Variants in LUZP2 observed in about 807,000 individuals in gnomAD.
LUZP2 encodes the protein leucine zipper protein 2.
LUZP2 carries 52 observed loss-of-function variants against 51.6 expected under a neutral mutation model. That is an observed-to-expected ratio of 1.01 (90% CI 0.81 to 1.27). The LOEUF (loss-of-function observed/expected upper bound fraction) is 1.27, where lower values mean the gene tolerates loss of function less well. Among genes scored for constraint, LUZP2 ranks in the 50% most tolerant of loss-of-function variants. The pLI is 0.00. For synonymous variants in LUZP2, 154 were observed against 137.3 expected (o/e 1.12, Z -0.85); for missense variants, 436 against 395.4 (o/e 1.10, Z -0.87).
chr11:24,650,462 T>G (rs1855593684), intron 1 of LUZP2, among the ~76,000 whole-genome samples: 2 of 151,938 alleles, frequency 1.3e-5, no homozygotes, highest in South Asian at 4.1e-4. Flanking sequence ...TGGGCAACTA[T>G]TTTGTTTACA....
chr11:25,017,739 C>G (rs1391908280), intron 9 of LUZP2, among the ~76,000 whole-genome samples: 1 of 152,010 alleles, frequency 6.6e-6, no homozygotes, highest in Non-Finnish European at 1.5e-5. Context: ...ATGTGTTTTG[C>G]TTAGTATTGC....
At position 25,018,603 on chromosome 11, in the gene LUZP2, CT is replaced by C. The variant is rs755246752; in HGVS notation, c.766-31412del. ...TACTATCATTATTAATTCCTTTTTC[CT>C]TTTTTTTTTTTTTTTTTTTTTTAAA... On this transcript the variant is annotated intron_variant, in intron 9 of 11. Transcript: ENST00000336930. Among the ~76,000 whole-genome samples, 329 of 108,838 alleles carry C rather than the reference CT, an allele frequency of 3.0e-3. 2 individuals are homozygous for C. The highest frequency in any genetic ancestry group is 4.0e-3 in the East Asian group (17 of 4,216). 71.4% of individuals were successfully genotyped at this position (108,838 alleles called of 152,430 possible). A position where few individuals can be genotyped will look rare whatever the true frequency, so the allele number is the denominator to read the frequency against.
At chr11:24,933,119 G>A (rs933989606) in intron 7 of LUZP2, among the ~76,000 whole-genome samples, 5 of 152,316 alleles carry the variant, frequency 3.3e-5, no homozygotes, top group African/African-American at 7.2e-5. Context: ...GTGTTCAGGG[G>A]TGCACAATCC....
At chr11:24,540,564 C>G (rs1260024767) in intron 1 of LUZP2, among the ~76,000 whole-genome samples, 3 of 152,122 alleles carry the variant, frequency 2.0e-5, no homozygotes, top group African/African-American at 7.2e-5. Context: ...CACCCAGCAT[C>G]CAGAAGTGTG....
intron 9 of LUZP2, among the ~76,000 whole-genome samples, chr11:24,999,747 ACCTT>A (rs918405561): frequency 6.6e-6 from 1 of 152,152 alleles, no homozygotes; most frequent in African/African-American, 2.4e-5. Flanking sequence ...TAAACTCACA[ACCTT>A]GTTAATTAAG....
At chr11:24,921,856 G>C (rs905791455) in intron 7 of LUZP2, among the ~76,000 whole-genome samples, 2 of 151,934 alleles carry the variant, frequency 1.3e-5, no homozygotes, top group Admixed American at 6.6e-5. Flanking sequence ...TATATTTAGC[G>C]TTTTTACTTT....
Position 24,728,256 on chromosome 11 carries a change from T to C in LUZP2, c.63-913T>C, listed in dbSNP as rs577698311. Among the ~76,000 whole-genome samples the C allele has an allele frequency of 3.3e-5, 5 of 152,032 alleles. No individual in the cohort carries two copies. The East Asian group carries it at 9.7e-4, about 29-fold the overall frequency. On this transcript the variant is annotated intron_variant, in intron 1 of 11. Transcript: ENST00000336930. ...GCCTAAGCCAGAAACCTGGCATCAT[T>C]AGTAAATAGCTCCCTTCTACACTTA...
chr11:24,561,816 T>TATAATGATAATAATA (rs1554955157), intron 1 of LUZP2, among the ~76,000 whole-genome samples: 9 of 120,798 alleles, frequency 7.5e-5, no homozygotes, highest in Non-Finnish European at 1.6e-4. Flanking sequence ...GAACTTAAAG[T>TATAATGATAATAATA]ATAATAATAA....
At chr11:24,708,075 G>A (rs983121617) in intron 1 of LUZP2, among the ~76,000 whole-genome samples, 1 of 152,130 alleles carries the variant, frequency 6.6e-6, no homozygotes. Flanking sequence ...ATTGGAATGA[G>A]GGTGGAGCAG....
intron 4 of LUZP2, among the ~76,000 whole-genome samples, chr11:24,745,038 G>C (rs950126845): frequency 6.6e-6 from 1 of 152,038 alleles, no homozygotes; most frequent in African/African-American, 2.4e-5. Flanking sequence ...TTTTGGAGTT[G>C]ATTTCCAGTT....
intron 6 of LUZP2, among the ~76,000 whole-genome samples, chr11:24,909,949 T>A (rs1853572758): frequency 6.6e-6 from 1 of 152,148 alleles, no homozygotes; most frequent in Non-Finnish European, 1.5e-5. Flanking sequence ...AGTTTGGAAC[T>A]TCCTAGAGAC....
At position 24,611,451 on chromosome 11, in the gene LUZP2, A is replaced by G. The variant is rs1254282450; in HGVS notation, c.62+114146A>G. The stretch of plus-strand genomic sequence containing the variant: ...CACACTAATAAAAGCATAAATATTC[A>G]TGTTGCAATGTGATATACACTCTAA... On this transcript the variant is annotated intron_variant, in intron 1 of 11. Coordinates refer to ENST00000336930, the MANE Select transcript of LUZP2 (RefSeq NM_001009909.4). The surrounding 1 kb of genome is among the most constrained non-coding windows in gnomAD (Gnocchi z 4.6). Among the ~76,000 whole-genome samples the G allele has an allele frequency of 7.9e-5, 12 of 152,230 alleles. No homozygotes were observed. The highest frequency in any genetic ancestry group is 7.2e-4 in the Admixed American group (11 of 15,270).
At chr11:24,537,649 C>A (rs1042970091) in intron 1 of LUZP2, among the ~76,000 whole-genome samples, 1 of 47,544 alleles carries the variant, frequency 2.1e-5, no homozygotes, top group Non-Finnish European at 6.5e-5. Flanking sequence ...ACTTCTGAAG[C>A]AAAACGTGTT....
At chr11:24,838,673 G>A (rs1850932834) in intron 5 of LUZP2, among the ~76,000 whole-genome samples, 1 of 151,454 alleles carries the variant, frequency 6.6e-6, no homozygotes, top group Non-Finnish European at 1.5e-5. Flanking sequence ...TTTTCCCCAA[G>A]TTATGAAATT....
At chr11:24,588,929 C>A (rs565310510) in intron 1 of LUZP2, among the ~76,000 whole-genome samples, 1 of 152,210 alleles carries the variant, frequency 6.6e-6, no homozygotes, top group East Asian at 1.9e-4. Flanking sequence ...TGTTTCATAG[C>A]CACCTTGGGT....
chr11:24,621,449 G>T (rs563179279), intron 1 of LUZP2, among the ~76,000 whole-genome samples: 3 of 152,232 alleles, frequency 2.0e-5, no homozygotes, highest in South Asian at 2.1e-4. Flanking sequence ...TCACTGAGCA[G>T]GTCCTATTAA....
chr11:24,853,326 T>C (rs1211544856), intron 5 of LUZP2, among the ~76,000 whole-genome samples: 1 of 152,070 alleles, frequency 6.6e-6, no homozygotes, highest in African/African-American at 2.4e-5. Context: ...TCACCTTCAC[T>C]TATGAAGCTT....
intron 1 of LUZP2, among the ~76,000 whole-genome samples, chr11:24,634,550 G>A (rs1855009590): frequency 6.6e-6 from 1 of 151,094 alleles, no homozygotes; most frequent in Non-Finnish European, 1.5e-5. Context: ...CCCCCATACT[G>A]TAACTAAGTA....
intron 6 of LUZP2, among the ~76,000 whole-genome samples, chr11:24,913,076 T>TA (rs1387211376): frequency 6.6e-6 from 1 of 152,212 alleles, no homozygotes; most frequent in African/African-American, 2.4e-5. Flanking sequence ...TATTGAGATT[T>TA]ATCTAGTTTA....
Sources: allele counts gnomAD v4.1 joint callset (sites outside exome capture counted in the v4.1 genomes callset), GRCh38; gene constraint gnomAD v4.1.1; non-coding constraint Gnocchi (gnomAD v3.1); transcripts MANE v1.5; gene names NCBI Gene and HGNC (gene_info 2026-07-23, HGNC 2026-07-21).